ST6GALNAC5: variants seen among roughly 807,000 people sequenced by gnomAD.
The protein encoded by ST6GALNAC5 is alpha-N-acetylgalactosaminide alpha-2,6-sialyltransferase 5.
In ST6GALNAC5, 27 loss-of-function variants were observed where a neutral mutation model predicts 33.6. That is an observed-to-expected ratio of 0.80 (90% CI 0.59 to 1.11). ST6GALNAC5 has a LOEUF of 1.11. Among genes scored for constraint, ST6GALNAC5 ranks in the 50% least tolerant of loss-of-function variants. ST6GALNAC5 has a pLI of 0.00. For missense variants in ST6GALNAC5, 428 were observed against 454.0 expected (o/e 0.94, Z 0.52); for synonymous variants, 194 against 171.2 (o/e 1.13, Z -1.04).
At chr1:76,914,430 A>C (rs1377160183) in intron 2 of ST6GALNAC5, among the ~76,000 whole-genome samples, 1 of 152,192 alleles carries the variant, frequency 6.6e-6, no homozygotes, top group Non-Finnish European at 1.5e-5. Flanking sequence ...ACGCTACCTG[A>C]CTTCAAACTC....
At chr1:77,037,943 AC>A (rs1651706190) in intron 2 of ST6GALNAC5, among the ~76,000 whole-genome samples, 1 of 152,230 alleles carries the variant, frequency 6.6e-6, no homozygotes, top group Non-Finnish European at 1.5e-5. Context: ...TAGAAGGTGC[AC>A]CATTACTTGA....
chr1:77,051,163 T>G (rs145781223), intron 4 of ST6GALNAC5, among the ~76,000 whole-genome samples: 93 of 152,312 alleles, frequency 6.1e-4, no homozygotes, highest in African/African-American at 2.0e-3. Context: ...ACTTATACTA[T>G]CTGGTGTTTT....
chr1:77,027,077 C>T (rs1043317438), intron 2 of ST6GALNAC5, among the ~76,000 whole-genome samples: 11 of 152,300 alleles, frequency 7.2e-5, no homozygotes, highest in Non-Finnish European at 1.6e-4. Context: ...CAGAAAGCAA[C>T]GAAAGTTAAT....
In ST6GALNAC5 at chr1:76,868,702, C is replaced by T. The variant is rs1463337116; in HGVS notation, c.221C>T (p.Pro74Leu). Residue 74 changes from proline to leucine, a missense_variant, in exon 2 of 5, where the codon CCG becomes CTG. By Grantham distance (98) the Pro-to-Leu change is moderately conservative. Coordinates refer to ENST00000477717, the MANE Select transcript of ST6GALNAC5 (RefSeq NM_030965.3). This position sits in a 1 kb window ranked among gnomAD's most constrained non-coding sequence, Gnocchi z 4.3. ...TQQRPGVPAG[P>L]RPLDGYLGVA... ...CAGCGCCCCGGGGTCCCCGCGGGAC[C>T]GCGGCCACTGGACGGATACCTCGGA... The T allele has an allele frequency of 2.0e-6, 3 of 1,534,688 alleles. No individual in the cohort carries two copies. The highest frequency in any genetic ancestry group is 2.6e-6 in the Non-Finnish European group (3 of 1,141,708).
At chr1:76,991,332 A>G (rs1163464578) in intron 2 of ST6GALNAC5, among the ~76,000 whole-genome samples, 1 of 152,234 alleles carries the variant, frequency 6.6e-6, no homozygotes, top group African/African-American at 2.4e-5. Flanking sequence ...GCCTGAGGCC[A>G]TATATCAATT....
intron 2 of ST6GALNAC5, among the ~76,000 whole-genome samples, chr1:76,936,030 C>T (rs1316928791): frequency 6.6e-6 from 1 of 152,018 alleles, no homozygotes; most frequent in Non-Finnish European, 1.5e-5. Flanking sequence ...CAAGAATTAG[C>T]TCCTGTTTGA....
chr1:76,876,193 G>A (rs1474256719), intron 2 of ST6GALNAC5, among the ~76,000 whole-genome samples: 1 of 152,182 alleles, frequency 6.6e-6, no homozygotes, highest in Admixed American at 6.5e-5. Context: ...CTGCCACCAG[G>A]TAGCTGGCTG....
chr1:76,972,498 T>A (rs945575735), intron 2 of ST6GALNAC5, among the ~76,000 whole-genome samples: 1 of 152,188 alleles, frequency 6.6e-6, no homozygotes, highest in African/African-American at 2.4e-5. Context: ...AAGCATTTCA[T>A]AGCTACACAT....
intron 2 of ST6GALNAC5, among the ~76,000 whole-genome samples, chr1:76,912,759 T>G (rs1427536127): frequency 6.6e-6 from 1 of 152,162 alleles, no homozygotes; most frequent in Admixed American, 6.5e-5. Context: ...CTGCCTTTTT[T>G]TGTTTTCCAT....
intron 2 of ST6GALNAC5, among the ~76,000 whole-genome samples, chr1:76,964,314 C>G (rs1570714275): frequency 6.6e-6 from 1 of 152,160 alleles, no homozygotes; most frequent in African/African-American, 2.4e-5. Context: ...CCTTCCACAA[C>G]CCACAATTGT....
chr1:77,026,707 G>C (rs1001731614), intron 2 of ST6GALNAC5, among the ~76,000 whole-genome samples: 1 of 152,178 alleles, frequency 6.6e-6, no homozygotes, highest in African/African-American at 2.4e-5. Flanking sequence ...CTTCATAGTA[G>C]AGATTCAGCC....
chr1:76,977,657 T>C (rs929376197), intron 2 of ST6GALNAC5, among the ~76,000 whole-genome samples: 4 of 152,216 alleles, frequency 2.6e-5, no homozygotes, highest in East Asian at 1.9e-4. Flanking sequence ...TTCTGTTTTA[T>C]GACTAAGTAG....
rs74857893 is a variant in ST6GALNAC5 at position 76,936,342 on chromosome 1, T to G, written c.261+67600T>G. ...TTCCCACCTATGATTTTCTTTATTT[T>G]GTTGGTATATACCTTTTTAAAGCAA... On this transcript the variant is annotated intron_variant, in intron 2 of 4. Transcript: ENST00000477717. 1.1e-4 allele frequency among the ~76,000 whole-genome samples: 17 copies of G among 152,218 alleles called. No homozygotes were observed. The East Asian group carries it at 3.3e-3, about 29-fold the overall frequency.
At chr1:76,959,857 T>C (rs1648157053) in intron 2 of ST6GALNAC5, among the ~76,000 whole-genome samples, 1 of 152,146 alleles carries the variant, frequency 6.6e-6, no homozygotes, top group South Asian at 2.1e-4. Context: ...CCAAAGTGGG[T>C]TCTCAGAGAC....
chr1:77,004,057 A>T (rs1039707604), intron 2 of ST6GALNAC5, among the ~76,000 whole-genome samples: 2 of 141,262 alleles, frequency 1.4e-5, no homozygotes, highest in African/African-American at 5.2e-5. Flanking sequence ...AGATTGGGGA[A>T]GTTCTCCTGG....
At chr1:76,912,898 G>A (rs1205303798) in intron 2 of ST6GALNAC5, among the ~76,000 whole-genome samples, 1 of 151,470 alleles carries the variant, frequency 6.6e-6, no homozygotes, top group African/African-American at 2.4e-5. Context: ...TCTTTTAATT[G>A]GAGCATTTAG....
chr1:77,044,171 C>T (rs761301160), intron 2 of ST6GALNAC5, 33 bp from the exon 3 acceptor site: 8 of 1,565,370 alleles, frequency 5.1e-6, no homozygotes, highest in Non-Finnish European at 6.9e-6. Flanking sequence ...AGCCCTTTGC[C>T]CCTGACAGTG....
chr1:76,954,812 T>C (rs143850235), intron 2 of ST6GALNAC5, among the ~76,000 whole-genome samples: 1 of 152,276 alleles, frequency 6.6e-6, no homozygotes, highest in East Asian at 1.9e-4. Flanking sequence ...TGTGGTCAAA[T>C]GGAGCTGGGT....
chr1:76,976,849 T>C (rs937032938), intron 2 of ST6GALNAC5, among the ~76,000 whole-genome samples: 3 of 152,118 alleles, frequency 2.0e-5, no homozygotes, highest in East Asian at 3.9e-4. Context: ...AGAACCAACA[T>C]TAGCCTTTCT....
Sources: gnomAD v4.1 joint callset for allele counts (sites outside exome capture counted in the v4.1 genomes callset) on GRCh38, gnomAD v4.1.1 for gene constraint, Gnocchi (gnomAD v3.1) non-coding constraint, MANE v1.5 for transcripts, NCBI Gene and HGNC (gene_info 2026-07-23, HGNC 2026-07-21) for gene names.